PRKACA: variants seen among roughly 807,000 people sequenced by gnomAD.
PRKACA encodes protein kinase cAMP-activated catalytic subunit alpha.
Under a neutral mutation model 45.8 loss-of-function variants are expected in PRKACA, and 9 were observed. The observed-to-expected ratio is 0.20, with a 90% CI of 0.12 to 0.34. PRKACA has a LOEUF of 0.34. Ranked by LOEUF, PRKACA falls within the 10% of genes least tolerant of loss-of-function variation. PRKACA has a pLI of 1.00. For missense variants in PRKACA, 238 were observed against 458.6 expected, an observed-to-expected ratio of 0.52 and a Z score of 4.39; for synonymous variants, 160 against 178.6, an observed-to-expected ratio of 0.90 and a Z score of 0.83.
At chr19:14,107,151 T>TGGGGGGGGGG (rs1977636839) in intron 2 of PRKACA, among the ~76,000 whole-genome samples, 197 bp downstream of exon 2, 1 of 27,518 alleles carries the variant, frequency 3.6e-5, no homozygotes, top group African/African-American at 1.5e-4. Context: ...TTGGGAGGGG[T>TGGGGGGGGGG]GGTGGGATGG....
chr19:14,106,739 A>G, intron 3 of PRKACA, 21 bp downstream of exon 3: 2 of 1,613,960 alleles, frequency 1.2e-6, no homozygotes, highest in Non-Finnish European at 1.7e-6. Flanking sequence ...GCAGGCCCTG[A>G]GCGAGGACAG....
rs200209462 is a variant in PRKACA, at chr19:14,114,164, C to T, written c.46+3338G>A. 3.8e-5 allele frequency: 61 copies of T among 1,611,088 alleles called. No homozygotes were observed. Among genetic ancestry groups the T allele is most frequent in the Non-Finnish European group, 5.1e-5 (60 of 1,178,642 alleles). ...CTGGAGTTGGAAGCCATCACTCAGT[C>T]CTGTTCTCAGGGCACCGGCACTACG... On this transcript the variant is annotated intron_variant, in intron 1 of 9. Coordinates refer to ENST00000308677, the MANE Select transcript of PRKACA (RefSeq NM_002730.4).
rs1876264093 is a variant in PRKACA, at chr19:14,097,871, A to G, written c.439T>C (p.Tyr147His). The G allele has an allele frequency of 6.2e-7, 1 of 1,614,196 alleles. No individual in the cohort carries two copies. ...GRFSEPHARF[Y>H]AAQIVLTFEY... ...AAGGTCAGGACGATCTGGGCCGCGT[A>G]GAAACGGGCATGGGGCTCACTGATG... Residue 147 changes from tyrosine (Y) to histidine (H), a missense_variant, in exon 6 of 10, where the codon TAC (tyrosine) becomes CAC (histidine). Around this residue, in one of 3 missense-constraint regions of PRKACA, gnomAD observed 94 missense variants for 240.9 expected, o/e 0.39. Transcript: ENST00000308677. This position sits in a 1 kb window ranked among gnomAD's most constrained non-coding sequence, Gnocchi z 5.4.
rs1977127652 is a variant in PRKACA at position 14,092,982 on chromosome 19, G to A, written c.*130C>T. ...CTTCCTGCTCCCCCTAACCCTGGAG[G>A]GTGGGGTGGGGGTGAAATTAGATGC... is the stretch of plus-strand genomic sequence containing the variant. On this transcript the variant is annotated 3_prime_UTR_variant, in exon 10 of 10. Transcript: ENST00000308677. 2 of 1,207,944 alleles carry A rather than the reference G, an allele frequency of 1.7e-6. No individual in the cohort carries two copies. Among genetic ancestry groups the A allele is most frequent in the African/African-American group, 1.5e-5 (1 of 64,768 alleles). 74.8% of individuals were successfully genotyped at this position (1,207,944 alleles called of 1,614,324 possible).
intron 3 of PRKACA, among the ~76,000 whole-genome samples, chr19:14,105,462 G>C (rs1977574422): frequency 6.6e-6 from 1 of 150,862 alleles, no homozygotes; most frequent in African/African-American, 2.4e-5. Context: ...AGTGAGCTGA[G>C]ATCACGCCAC....
chr19:14,109,047 G>A (rs542624326), intron 1 of PRKACA, among the ~76,000 whole-genome samples: 1 of 149,924 alleles, frequency 6.7e-6, no homozygotes. Context: ...CTAAATTGAG[G>A]TATAAAATAT....
At chr19:14,094,390 T>C (rs1287840139) in intron 8 of PRKACA, among the ~76,000 whole-genome samples, 1 of 151,960 alleles carries the variant, frequency 6.6e-6, no homozygotes, top group African/African-American at 2.4e-5. Flanking sequence ...GGTTTCACCA[T>C]ATTGGTCAGG....
At chr19:14,105,057 CTG>C (rs1342299385) in intron 3 of PRKACA, among the ~76,000 whole-genome samples, 1 of 151,904 alleles carries the variant, frequency 6.6e-6, no homozygotes, top group East Asian at 1.9e-4. Flanking sequence ...ACAATAGACA[CTG>C]GATTTTAAAG....
At chr19:14,112,619 C>T (rs1966999510) in intron 1 of PRKACA, 1 of 152,300 alleles carries the variant, frequency 6.6e-6, no homozygotes, top group African/African-American at 2.4e-5. Flanking sequence ...TTAAAGGTAC[C>T]TGCTCCAAGC....
chr19:14,112,935 G>A (rs561465738), intron 1 of PRKACA, among the ~76,000 whole-genome samples: 23 of 152,302 alleles, frequency 1.5e-4, no homozygotes, highest in African/African-American at 5.3e-4. Context: ...CCCTTAATTC[G>A]CTGAAAGAAC....
In PRKACA at chr19:14,098,022, TTAGA is replaced by T. The variant is rs558079192; in HGVS notation, c.420-136_420-133del. 4.9e-5 allele frequency: 57 copies of T among 1,167,712 alleles called. 1 individual carries two copies. The South Asian group carries it at 6.4e-4, about 13-fold the overall frequency. 72.3% of individuals were successfully genotyped at this position (1,167,712 alleles called of 1,614,324 possible). On this transcript the variant is annotated intron_variant, in intron 5 of 9. Coordinates refer to ENST00000308677, the MANE Select transcript of PRKACA (RefSeq NM_002730.4). ...GTCAGAAACGCAAGGCACCTGATTC[TTAGA>T]TAGCCCGACATGGGAAACAGCCTGT...
intron 1 of PRKACA, among the ~76,000 whole-genome samples, chr19:14,113,219 G>A (rs1568539134): frequency 1.3e-5 from 2 of 152,032 alleles, no homozygotes; most frequent in Non-Finnish European, 1.5e-5. Context: ...GGTGGGGGAG[G>A]GGGAGGCAGC....
intron 1 of PRKACA, chr19:14,107,727 G>A: frequency 8.9e-7 from 1 of 1,118,878 alleles, no homozygotes; most frequent in South Asian, 3.1e-5. Flanking sequence ...TCCATGGCCA[G>A]GGCCGACGCC....
At chr19:14,114,085 G>T in intron 1 of PRKACA, 1 of 1,586,724 alleles carries the variant, frequency 6.3e-7, no homozygotes, top group East Asian at 2.3e-5. Flanking sequence ...CTGACTTAAG[G>T]GGCAGAGTGT....
chr19:14,114,759 T>G (rs1192584575), intron 1 of PRKACA, among the ~76,000 whole-genome samples: 1 of 152,054 alleles, frequency 6.6e-6, no homozygotes, highest in Non-Finnish European at 1.5e-5. Flanking sequence ...TCCCAATGGC[T>G]TTGCCATCTT....
intron 1 of PRKACA, chr19:14,108,249 C>T (rs1977671529): frequency 3.0e-6 from 2 of 661,930 alleles, no homozygotes; most frequent in African/African-American, 4.0e-5. Context: ...ACTGATCTCA[C>T]CTCTCTAGGC....
At chr19:14,106,953 G>C in intron 2 of PRKACA, 65 bp from the exon 3 acceptor site, 1 of 1,588,676 alleles carries the variant, frequency 6.3e-7, no homozygotes, top group Non-Finnish European at 8.6e-7. Context: ...GCTAAGGTCT[G>C]GGGCATCCCC....
intron 1 of PRKACA, 61 bp downstream of exon 1, chr19:14,117,441 A>G: frequency 8.0e-7 from 1 of 1,248,946 alleles, no homozygotes; most frequent in Non-Finnish European, 1.0e-6. Flanking sequence ...CCAGGCGATG[A>G]TGGACAAGGC....
At chr19:14,093,374 T>C in intron 9 of PRKACA, 137 bp from the exon 10 acceptor site, 1 of 1,251,076 alleles carries the variant, frequency 8.0e-7, no homozygotes, top group Non-Finnish European at 1.1e-6. Flanking sequence ...TATGGATTCC[T>C]CTTAACAGCC....
Sources: allele counts gnomAD v4.1 joint callset (sites outside exome capture counted in the v4.1 genomes callset), GRCh38; gene constraint gnomAD v4.1.1; regional missense constraint gnomAD v4.1.1; non-coding constraint Gnocchi (gnomAD v3.1); transcripts MANE v1.5; gene names NCBI Gene and HGNC (gene_info 2026-07-23, HGNC 2026-07-21).